Variants in SOX13 observed in about 807,000 individuals in gnomAD.
The protein encoded by SOX13 is transcription factor SOX-13.
A neutral mutation model predicts 71.8 loss-of-function variants in SOX13; 28 were observed. That is an observed-to-expected ratio of 0.39 (90% CI 0.29 to 0.53). The LOEUF (loss-of-function observed/expected upper bound fraction) is 0.53. Among genes scored for constraint, SOX13 ranks in the 20% least tolerant of loss-of-function variants. The probability of loss-of-function intolerance (pLI) is 0.70; values close to 1 mark genes in which losing one functional copy is unlikely to be tolerated. For synonymous variants in SOX13, 309 were observed against 317.8 expected, an observed-to-expected ratio of 0.97 and a Z score of 0.29; for missense variants, 627 against 810.3, an observed-to-expected ratio of 0.77 and a Z score of 2.75.
At chr1:204,095,526 A>G (rs1447518650) in intron 1 of SOX13, among the ~76,000 whole-genome samples, 1 of 152,154 alleles carries the variant, frequency 6.6e-6, no homozygotes, top group Non-Finnish European at 1.5e-5. Context: ...GCCGCTCTCC[A>G]GCCCTGCTGC....
In SOX13 at chr1:204,117,675, C is replaced by T; in HGVS notation, c.743C>T (p.Ala248Val). ...CCTGTCACCCCTGACTCCCAGCTGG[C>T]CTTACCCATTCAGCCCATTCCCTGC... Reference protein sequence around the residue: ...PLPVTPDSQLALPIQPIPCKP... With the variant: ...PLPVTPDSQLVLPIQPIPCKP... Residue 248 changes from alanine (A) to valine (V), a missense_variant, in exon 7 of 14, where the codon GCC (alanine) becomes GTC (valine). This residue lies in a region of SOX13 where 447 missense variants were observed against 532.2 expected (regional missense o/e 0.84). Transcript: ENST00000367204. The T allele has an allele frequency of 6.2e-7, 1 of 1,613,622 alleles. No individual in the cohort carries two copies. The highest frequency in any genetic ancestry group is 8.5e-7 in the Non-Finnish European group (1 of 1,179,698).
chr1:204,105,413 C>CTCTTTTTTTTTTT (rs149562684), intron 1 of SOX13, among the ~76,000 whole-genome samples: 31 of 137,964 alleles, frequency 2.2e-4, no homozygotes, highest in African/African-American at 6.8e-4. Flanking sequence ...TGTATAATCT[C>CTCTTTTTTTTTTT]TTTTTTTTTT....
intron 1 of SOX13, among the ~76,000 whole-genome samples, chr1:204,082,780 C>T (rs1026068461): frequency 6.6e-6 from 1 of 152,174 alleles, no homozygotes; most frequent in African/African-American, 2.4e-5. Context: ...TGTGTCAAAT[C>T]TTGACTTGGG....
intron 1 of SOX13, among the ~76,000 whole-genome samples, chr1:204,095,075 C>T (rs777143940): frequency 6.6e-5 from 10 of 152,252 alleles, no homozygotes; most frequent in Middle Eastern, 3.4e-3. Context: ...CCTCTCCAGG[C>T]GGGGAGGGCA....
At chr1:204,092,964 G>A (rs1359017343) in intron 1 of SOX13, among the ~76,000 whole-genome samples, 2 of 152,142 alleles carry the variant, frequency 1.3e-5, no homozygotes, top group African/African-American at 4.8e-5. Flanking sequence ...ACATTAGAAG[G>A]GTCACATGAG....
rs1656709195 is a variant in SOX13, at chr1:204,117,053, AG to A, written c.592-66del. ...CCACTGTAGAAAGCAGGGTGTGGTT[AG>A]GGCTGGGCAGACTGGGCACCAGGGC... is the stretch of plus-strand genomic sequence containing the variant. On this transcript the variant is annotated intron_variant, in intron 5 of 13. Transcript: ENST00000367204. 2 of 1,489,462 alleles carry A rather than the reference AG, an allele frequency of 1.3e-6. 1 individual carries two copies. Among genetic ancestry groups the A allele is most frequent in the South Asian group, 2.3e-5 (2 of 86,122 alleles). The allele number at this position is 1,489,462 out of a possible 1,614,324, so 92.3% of individuals were successfully genotyped here. A position where few individuals can be genotyped will look rare whatever the true frequency, so the allele number is the denominator to read the frequency against.
chr1:204,099,961 G>A (rs1656328559), intron 1 of SOX13, among the ~76,000 whole-genome samples: 1 of 151,916 alleles, frequency 6.6e-6, no homozygotes, highest in Non-Finnish European at 1.5e-5. Flanking sequence ...GGGCAACATA[G>A]CAAGACCCTG....
chr1:204,123,071 A>G lies in SOX13; in HGVS notation c.1135-41A>G. On this transcript the variant is annotated intron_variant, in intron 10 of 13. Coordinates refer to ENST00000367204, the MANE Select transcript of SOX13 (RefSeq NM_005686.3). This position sits in a 1 kb window ranked among gnomAD's most constrained non-coding sequence, Gnocchi z 5.0. Reference sequence around the variant, plus strand: ...GAGGAGCATGGGGAGGAGTGGGGTGATGCAGAGGAGGCTGATGTCAGGTTG... The same window carrying G: ...GAGGAGCATGGGGAGGAGTGGGGTGGTGCAGAGGAGGCTGATGTCAGGTTG... The G allele has an allele frequency of 2.6e-6, 4 of 1,558,410 alleles. No homozygotes were observed. Among genetic ancestry groups the G allele is most frequent in the Non-Finnish European group, 2.7e-6 (3 of 1,130,052 alleles).
rs1656886153 is a variant in SOX13, at chr1:204,124,803, ACAAGGCC to A, written c.1540_1546del (p.Lys514Ter). The A allele has an allele frequency of 6.3e-7, 1 of 1,592,964 alleles. No individual in the cohort carries two copies. The highest frequency in any genetic ancestry group is 1.8e-5 in the Admixed American group (1 of 56,774). On this transcript the variant is annotated frameshift_variant, in exon 13 of 14. Coordinates refer to ENST00000367204, the MANE Select transcript of SOX13 (RefSeq NM_005686.3). LOFTEE classifies it high-confidence loss of function. ...GGCAAGCGGCTGCGCGTGGGAGAGT[ACAAGGCC>A]CTGATGAGGACCCGGCGTCAGGATG...
In SOX13 at chr1:204,112,838, C is replaced by T. The variant is rs920219508; in HGVS notation, c.-1-77C>T. 4.0e-5 allele frequency: 51 copies of T among 1,266,750 alleles called. No homozygotes were observed. In the Middle Eastern group the frequency reaches 6.3e-4, roughly 16 times the overall value. The allele number at this position is 1,266,750 out of a possible 1,614,324, so 78.5% of individuals were successfully genotyped here. On this transcript the variant is annotated intron_variant, in intron 1 of 13. Coordinates refer to ENST00000367204, the MANE Select transcript of SOX13 (RefSeq NM_005686.3). ...AGGCACTTGGGTGGGGTCAGGGGAG[C>T]AAACAGTAGGGTCACTGCCTCTGGG...
chr1:204,117,920 C>T, intron 7 of SOX13: 1 of 572,562 alleles, frequency 1.7e-6, no homozygotes, highest in Non-Finnish European at 3.1e-6. Context: ...AAGCCCTTTC[C>T]AGATGTAAAA....
chr1:204,124,822 C>G lies in SOX13; in HGVS notation c.1557C>G (p.Thr519=). 6.3e-7 allele frequency: 1 copy of G among 1,583,122 alleles called. No individual in the cohort carries two copies. Among genetic ancestry groups the G allele is most frequent in the Non-Finnish European group, 8.6e-7 (1 of 1,165,374 alleles). The change falls in exon 13 of 14, where the codon ACC becomes ACG. Residue 519 remains threonine, a synonymous_variant. Coordinates refer to ENST00000367204, the MANE Select transcript of SOX13 (RefSeq NM_005686.3). The part of the protein sequence containing the change: ...RVGEYKALMR[T]RRQDARQSYV... ...GAGAGTACAAGGCCCTGATGAGGACCCGGCGTCAGGATGCCCGCCAGAGCT... is the reference window on the plus strand; with the variant it reads ...GAGAGTACAAGGCCCTGATGAGGACGCGGCGTCAGGATGCCCGCCAGAGCT...
intron 1 of SOX13, among the ~76,000 whole-genome samples, chr1:204,107,005 C>T (rs573442859): frequency 2.2e-4 from 34 of 152,172 alleles, no homozygotes; most frequent in Admixed American, 6.5e-4. Flanking sequence ...AGTTAAGTTA[C>T]TTGCCCAAGG....
At chr1:204,122,431 A>C in intron 9 of SOX13, 32 bp downstream of exon 9, 1 of 1,552,160 alleles carries the variant, frequency 6.4e-7, no homozygotes, top group Non-Finnish European at 8.7e-7. Flanking sequence ...CTTGTCCCTC[A>C]GCCCTCTTAG....
intron 1 of SOX13, among the ~76,000 whole-genome samples, chr1:204,108,703 G>GCGCTGAGCCGA: frequency 6.6e-6 from 1 of 152,328 alleles, no homozygotes; most frequent in South Asian, 2.1e-4. Flanking sequence ...GAGTGAGGTG[G>GCGCTGAGCCGA]CGCTGAGCCG....
chr1:204,099,701 C>T (rs1268606273), intron 1 of SOX13, among the ~76,000 whole-genome samples: 1 of 152,118 alleles, frequency 6.6e-6, no homozygotes, highest in Non-Finnish European at 1.5e-5. Context: ...GTGTGTGCCA[C>T]TGCGCCCAGT....
chr1:204,117,941 A>G lies in SOX13; in HGVS notation c.775+234A>G, dbSNP rs963207411. On this transcript the variant is annotated intron_variant, in intron 7 of 13. Coordinates refer to ENST00000367204, the MANE Select transcript of SOX13 (RefSeq NM_005686.3). ...TTTCCAGATGTAAAATGATGTAGCAATCCAGGTCTAGTCTCTCCAACTCTA... is the reference window on the plus strand; with the variant it reads ...TTTCCAGATGTAAAATGATGTAGCAGTCCAGGTCTAGTCTCTCCAACTCTA... The G allele has an allele frequency of 5.5e-6, 3 of 546,168 alleles. No homozygotes were observed. In the East Asian group the frequency reaches 9.1e-5, roughly 17 times the overall value. The allele number at this position is 546,168 out of a possible 1,614,324, so 33.8% of individuals were successfully genotyped here.
rs1386017726 is a variant in SOX13, at chr1:204,123,524, G to A, written c.1232-137G>A. The A allele has an allele frequency of 2.9e-5, 26 of 889,806 alleles. No homozygotes were observed. In the East Asian group the frequency reaches 6.7e-4, roughly 23 times the overall value. 55.1% of individuals were successfully genotyped at this position (889,806 alleles called of 1,614,324 possible). ...CTTCTGCCCCATCTGCTCCTGCCTT[G>A]CTCCTCCTCGGCTGGCTGCTGTGGG... On this transcript the variant is annotated intron_variant, in intron 11 of 13. Transcript: ENST00000367204. The surrounding 1 kb of genome is among the most constrained non-coding windows in gnomAD (Gnocchi z 5.0).
intron 1 of SOX13, among the ~76,000 whole-genome samples, chr1:204,099,261 T>C (rs928336045): frequency 1.3e-5 from 2 of 152,148 alleles, no homozygotes; most frequent in African/African-American, 4.8e-5. Context: ...TGTGTCCTCA[T>C]AGTAGCTATT....
Sources: allele counts gnomAD v4.1 joint callset (sites outside exome capture counted in the v4.1 genomes callset), GRCh38; gene constraint gnomAD v4.1.1; regional missense constraint gnomAD v4.1.1; non-coding constraint Gnocchi (gnomAD v3.1); transcripts MANE v1.5; gene names NCBI Gene and HGNC (gene_info 2026-07-23, HGNC 2026-07-21).